The following PRKCH variants were observed in gnomAD, a reference collection of about 807,000 sequenced individuals.
PRKCH encodes protein kinase C eta type.
Under a neutral mutation model 82.5 loss-of-function variants are expected in PRKCH, and 28 were observed. That is an observed-to-expected ratio of 0.34 (90% CI 0.25 to 0.47). PRKCH has a LOEUF of 0.47. Among genes scored for constraint, PRKCH ranks in the 20% least tolerant of loss-of-function variants. The probability of loss-of-function intolerance (pLI) is 1.00; values close to 1 mark genes in which losing one functional copy is unlikely to be tolerated. For synonymous variants in PRKCH, 322 were observed against 327.4 expected, an observed-to-expected ratio of 0.98 and a Z score of 0.18; for missense variants, 705 against 881.8, an observed-to-expected ratio of 0.80 and a Z score of 2.54.
intron 2 of PRKCH, among the ~76,000 whole-genome samples, chr14:61,433,992 C>CA (rs1883553403): frequency 1.3e-5 from 2 of 152,128 alleles, no homozygotes; most frequent in African/African-American, 4.8e-5. Context: ...AACAATAAAT[C>CA]AAAAAGAGAG....
chr14:61,502,152 C>T (rs764297693), intron 10 of PRKCH, among the ~76,000 whole-genome samples: 14 of 150,698 alleles, frequency 9.3e-5, no homozygotes, highest in Admixed American at 2.6e-4. Context: ...GCAACCTCCA[C>T]CTCCCAGGTT....
chr14:61,196,990 G>A (rs996166649), intron 1 of PRKCH, among the ~76,000 whole-genome samples: 4 of 152,106 alleles, frequency 2.6e-5, no homozygotes, highest in African/African-American at 4.8e-5. Flanking sequence ...GGGAGACTAG[G>A]ACACCTAGAG....
At chr14:61,426,150 T>A (rs149395988) in intron 2 of PRKCH, among the ~76,000 whole-genome samples, 2 of 152,144 alleles carry the variant, frequency 1.3e-5, no homozygotes, top group African/African-American at 4.8e-5. Context: ...TTTCTGGAGA[T>A]CTCCAGCCAC....
chr14:61,457,374 G>GT lies in PRKCH; in HGVS notation c.1104+55_1104+56insT, dbSNP rs1566893627. On this transcript the variant is annotated intron_variant, in intron 8 of 13. Transcript: ENST00000332981. ...AAGTAAGTGTGCTCTGTGTATGGGG[G>GT]GTGTGTGTGTGTGTGCACGCATGCG... 1.5e-5 allele frequency: 23 copies of GT among 1,574,812 alleles called. No individual in the cohort carries two copies. The African/African-American group carries it at 2.5e-4, about 17-fold the overall frequency.
At chr14:61,326,055 C>T (rs558724370) in intron 1 of PRKCH, among the ~76,000 whole-genome samples, 3 of 152,276 alleles carry the variant, frequency 2.0e-5, no homozygotes, top group African/African-American at 7.2e-5. Context: ...TTGGCAGTTT[C>T]TTAAACTATC....
intron 1 of PRKCH, among the ~76,000 whole-genome samples, chr14:61,364,755 C>T (rs537537274): frequency 6.6e-6 from 1 of 152,134 alleles, no homozygotes; most frequent in African/African-American, 2.4e-5. Flanking sequence ...GGGAGGATCA[C>T]CTGAGCCCAG....
chr14:61,435,704 AAATG>A (rs3837626), intron 2 of PRKCH, among the ~76,000 whole-genome samples: 36,861 of 150,456 alleles, frequency 0.24, 4,845 homozygotes, highest in Admixed American at 0.35. Flanking sequence ...ATCTCAATAT[AAATG>A]AATGAATGAA....
chr14:61,211,214 G>A (rs1020637715), intron 1 of PRKCH, among the ~76,000 whole-genome samples: 13 of 152,316 alleles, frequency 8.5e-5, no homozygotes, highest in Non-Finnish European at 1.6e-4. Flanking sequence ...GGAAGAGCTC[G>A]AGGAACTGTG....
intron 1 of PRKCH, among the ~76,000 whole-genome samples, chr14:61,227,289 C>A (rs1006976708): frequency 2.0e-5 from 3 of 152,170 alleles, no homozygotes; most frequent in African/African-American, 4.8e-5. Flanking sequence ...AATAAGAGTA[C>A]CTGCCTCATA....
At chr14:61,449,416 A>G (rs1884382274) in intron 5 of PRKCH, among the ~76,000 whole-genome samples, 164 bp downstream of exon 5, 1 of 151,598 alleles carries the variant, frequency 6.6e-6, no homozygotes, top group African/African-American at 2.4e-5. Context: ...CATTCTTTGA[A>G]GCCAAGGGTT....
At chr14:61,396,947 C>T (rs1264649033) in intron 2 of PRKCH, among the ~76,000 whole-genome samples, 1 of 152,204 alleles carries the variant, frequency 6.6e-6, no homozygotes, top group Non-Finnish European at 1.5e-5. Flanking sequence ...TGCATGTTCA[C>T]ACCACTTGTA....
At chr14:61,240,456 T>C (rs182289099) in intron 1 of PRKCH, among the ~76,000 whole-genome samples, 1 of 152,252 alleles carries the variant, frequency 6.6e-6, no homozygotes, top group Non-Finnish European at 1.5e-5. Context: ...ACATGTGGTG[T>C]TACCTGGAGG....
chr14:61,336,902 C>T (rs990194165), intron 1 of PRKCH, among the ~76,000 whole-genome samples: 1 of 151,778 alleles, frequency 6.6e-6, no homozygotes, highest in African/African-American at 2.4e-5. Context: ...AACTCTGTCT[C>T]TACTAAAAAT....
chr14:61,420,427 A>C (rs1802214231), intron 2 of PRKCH, among the ~76,000 whole-genome samples: 1 of 152,160 alleles, frequency 6.6e-6, no homozygotes, highest in African/African-American at 2.4e-5. Flanking sequence ...GAACAATACC[A>C]CTATGTGAGT....
chr14:61,261,029 G>T (rs1391435171), intron 1 of PRKCH, among the ~76,000 whole-genome samples: 2 of 152,066 alleles, frequency 1.3e-5, no homozygotes, highest in Admixed American at 6.6e-5. Context: ...TAATTATTAT[G>T]CTCCTGTCAG....
chr14:61,424,410 G>A (rs1052977485), intron 2 of PRKCH, among the ~76,000 whole-genome samples: 6 of 152,318 alleles, frequency 3.9e-5, no homozygotes, highest in South Asian at 2.1e-4. Context: ...TGCTGATAGC[G>A]ACATGGACAA....
intron 1 of PRKCH, among the ~76,000 whole-genome samples, chr14:61,288,960 A>C (rs894525065): frequency 1.3e-5 from 2 of 152,358 alleles, no homozygotes; most frequent in African/African-American, 4.8e-5. Flanking sequence ...GTCATCAGGC[A>C]GCTCCCTTCT....
intron 2 of PRKCH, among the ~76,000 whole-genome samples, chr14:61,394,266 TAA>T (rs56112718): frequency 1.3e-4 from 20 of 150,410 alleles, no homozygotes; most frequent in Middle Eastern, 3.4e-3. Context: ...ATACTTGACA[TAA>T]AAAAAAAAAC....
intron 2 of PRKCH, among the ~76,000 whole-genome samples, chr14:61,411,552 G>A (rs538417260): frequency 9.2e-5 from 14 of 152,254 alleles, no homozygotes; most frequent in African/African-American, 2.9e-4. Context: ...GACAACAAAG[G>A]CCAATGATTC....
Sources: gnomAD v4.1 joint callset for allele counts (sites outside exome capture counted in the v4.1 genomes callset) on GRCh38, gnomAD v4.1.1 for gene constraint, MANE v1.5 for transcripts, NCBI Gene and HGNC (gene_info 2026-07-23, HGNC 2026-07-21) for gene names.